Variants in SRF observed in about 807,000 individuals in gnomAD.
SRF encodes the protein serum response factor.
SRF carries 7 observed loss-of-function variants against 37.1 expected under a neutral mutation model. The observed-to-expected ratio is 0.19, with a 90% CI of 0.11 to 0.35. The LOEUF (loss-of-function observed/expected upper bound fraction) is 0.35, where lower values mean the gene tolerates loss of function less well. SRF is among the 10% of genes least tolerant of loss of function. The probability of loss-of-function intolerance (pLI) is 1.00; values close to 1 mark genes in which losing one functional copy is unlikely to be tolerated. For synonymous variants in SRF, 285 were observed against 310.1 expected (o/e 0.92, Z 0.85); for missense variants, 395 against 694.4 (o/e 0.57, Z 4.85).
rs1221850247 is a variant in SRF, at chr6:43,179,424, G to A, written c.*234G>A. The A allele has an allele frequency of 3.5e-6, 2 of 569,924 alleles. No individual in the cohort carries two copies. The highest frequency in any genetic ancestry group is 3.8e-5 in the African/African-American group (2 of 53,176). The allele number at this position is 569,924 out of a possible 1,614,324, so 35.3% of individuals were successfully genotyped here. On this transcript the variant is annotated 3_prime_UTR_variant, in exon 7 of 7. Coordinates refer to ENST00000265354, the MANE Select transcript of SRF (RefSeq NM_003131.4). This position sits in a 1 kb window ranked among gnomAD's most constrained non-coding sequence, Gnocchi z 5.3. ...CGCCCCACCTCCCATTTCTGTTGCT[G>A]GAGGGGCTGTCCTCCTTCCTGGGAC...
rs1466905850 is a variant in SRF at position 43,176,509 on chromosome 6, G to T, written c.1043-39G>T. On this transcript the variant is annotated intron_variant, in intron 3 of 6. Transcript: ENST00000265354. The surrounding 1 kb of genome is among the most constrained non-coding windows in gnomAD (Gnocchi z 4.0). ...TGGGTACTTGGTGGAGGTGGCAATT[G>T]GGTGGGACAGAGCACAAATAAGACT... 3 of 1,611,632 alleles carry T rather than the reference G, an allele frequency of 1.9e-6. No homozygotes were observed.
chr6:43,173,060 CATGTAG>C lies in SRF; in HGVS notation c.514-785_514-780del, dbSNP rs1772138660. Among the ~76,000 whole-genome samples the C allele has an allele frequency of 6.6e-6, 1 of 152,144 alleles. No individual in the cohort carries two copies. Among genetic ancestry groups the C allele is most frequent in the African/African-American group, 2.4e-5 (1 of 41,422 alleles). Reference sequence around the variant, plus strand: ...CACTGGCTGGTGTTTATTTCTGTCCCATGTAGAAACCAGAGCTGCTTCCAAGGTGGT... The same window carrying C: ...CACTGGCTGGTGTTTATTTCTGTCCCAAACCAGAGCTGCTTCCAAGGTGGT... On this transcript the variant is annotated intron_variant, in intron 1 of 6. Coordinates refer to ENST00000265354, the MANE Select transcript of SRF (RefSeq NM_003131.4). The surrounding 1 kb of genome is among the most constrained non-coding windows in gnomAD (Gnocchi z 4.2).
intron 4 of SRF, among the ~76,000 whole-genome samples, chr6:43,177,010 G>A (rs905221498): frequency 6.6e-6 from 1 of 152,134 alleles, no homozygotes; most frequent in Admixed American, 6.5e-5. Context: ...TTGTGCGAGG[G>A]TCTTACAGGT....
At chr6:43,174,455 G>A (rs1359891758) in intron 2 of SRF, among the ~76,000 whole-genome samples, 5 of 152,228 alleles carry the variant, frequency 3.3e-5, no homozygotes, top group South Asian at 4.1e-4. Flanking sequence ...TCGCCAGGGA[G>A]TAGAAAGGGA....
Position 43,173,768 on chromosome 6 carries a change from A to G in SRF, c.514-79A>G. 6 of 1,539,506 alleles carry G rather than the reference A, an allele frequency of 3.9e-6. No homozygotes were observed. The highest frequency in any genetic ancestry group is 5.3e-6 in the Non-Finnish European group (6 of 1,137,682). The stretch of plus-strand genomic sequence containing the variant: ...GGGAATGGGGGAATGACATCACTGT[A>G]TAATTCTTTTTCCAACTTCTCAAGG... On this transcript the variant is annotated intron_variant, in intron 1 of 6. Transcript: ENST00000265354. This position sits in a 1 kb window ranked among gnomAD's most constrained non-coding sequence, Gnocchi z 4.2.
In SRF at chr6:43,171,517, G is replaced by A; in HGVS notation, c.-140G>A. ...TCGGCCCGGGCGTGCAGGGGCCCCG[G>A]GTTCGCAGCGGCGGCCGCGGCAGCG... On this transcript the variant is annotated 5_prime_UTR_variant, in exon 1 of 7. Coordinates refer to ENST00000265354, the MANE Select transcript of SRF (RefSeq NM_003131.4). This position sits in a 1 kb window ranked among gnomAD's most constrained non-coding sequence, Gnocchi z 6.5. 1 of 984,596 alleles carries A rather than the reference G, an allele frequency of 1.0e-6. No homozygotes were observed. The highest frequency in any genetic ancestry group is 3.9e-4 in the Middle Eastern group (1 of 2,566). 61.0% of individuals were successfully genotyped at this position (984,596 alleles called of 1,614,324 possible). A position where few individuals can be genotyped will look rare whatever the true frequency, so the allele number is the denominator to read the frequency against.
intron 4 of SRF, among the ~76,000 whole-genome samples, chr6:43,177,043 C>T (rs1244813636): frequency 6.6e-6 from 1 of 152,182 alleles, no homozygotes; most frequent in Non-Finnish European, 1.5e-5. Flanking sequence ...CAGTTACCCT[C>T]AGGTATCTCT....
Position 43,172,284 on chromosome 6 carries a change from A to G in SRF, c.513+115A>G. On this transcript the variant is annotated intron_variant, in intron 1 of 6. Coordinates refer to ENST00000265354, the MANE Select transcript of SRF (RefSeq NM_003131.4). This position sits in a 1 kb window ranked among gnomAD's most constrained non-coding sequence, Gnocchi z 5.7. ...AGGTGAGAGGCTGCGAGTCCGCAGGAGGTGTGTGGGAGGGGATGGCTCCTG... is the reference window on the plus strand; with the variant it reads ...AGGTGAGAGGCTGCGAGTCCGCAGGGGGTGTGTGGGAGGGGATGGCTCCTG... 5 of 1,280,162 alleles carry G rather than the reference A, an allele frequency of 3.9e-6. No homozygotes were observed. The highest frequency in any genetic ancestry group is 4.3e-5 in the East Asian group (1 of 23,380). The allele number at this position is 1,280,162 out of a possible 1,614,324, so 79.3% of individuals were successfully genotyped here. A position where few individuals can be genotyped will look rare whatever the true frequency, so the allele number is the denominator to read the frequency against.
chr6:43,171,892 G>T lies in SRF; in HGVS notation c.236G>T (p.Ser79Ile). Residue 79 changes from serine (S) to isoleucine (I), a missense_variant, in exon 1 of 7, where the codon AGC (serine) becomes ATC (isoleucine). By Grantham distance (142) the Ser-to-Ile change is moderately radical (BLOSUM62 -2). Transcript: ENST00000265354. This position sits in a 1 kb window ranked among gnomAD's most constrained non-coding sequence, Gnocchi z 6.5. ...ACCGCGGGGGCCCTCTACAGCGGCA[G>T]CGAGGGCGACTCGGAGTCGGGCGAG... ...APTAGALYSG[S>I]EGDSESGEEE... is the part of the protein sequence containing the mutation. 1 of 1,408,698 alleles carries T rather than the reference G, an allele frequency of 7.1e-7. No homozygotes were observed. The allele number at this position is 1,408,698 out of a possible 1,614,324, so 87.3% of individuals were successfully genotyped here. A position where few individuals can be genotyped will look rare whatever the true frequency, so the allele number is the denominator to read the frequency against.
rs767783421 is a variant in SRF, at chr6:43,175,743, C to T, written c.818C>T (p.Pro273Leu). 5.6e-6 allele frequency: 9 copies of T among 1,614,172 alleles called. No individual in the cohort carries two copies. Among genetic ancestry groups the T allele is most frequent in the East Asian group, 2.2e-5 (1 of 44,884 alleles). ...LKPAFTVTNL[P>L]GTTSTIQTAP... Reference sequence around the variant, plus strand: ...CCGGCGTTCACAGTCACCAACCTGCCGGGTACAACCTCCACCATCCAAACA... The same window carrying T: ...CCGGCGTTCACAGTCACCAACCTGCTGGGTACAACCTCCACCATCCAAACA... Residue 273 changes from proline to leucine, a missense_variant, in exon 3 of 7, where the codon CCG becomes CTG. This residue lies in a region of SRF where 232 missense variants were observed against 335.6 expected (regional missense o/e 0.69). Coordinates refer to ENST00000265354, the MANE Select transcript of SRF (RefSeq NM_003131.4).
intron 2 of SRF, 37 bp from the exon 3 acceptor site, chr6:43,175,669 G>A (rs1182119006): frequency 1.2e-6 from 2 of 1,610,720 alleles, no homozygotes; most frequent in East Asian, 4.5e-5. Flanking sequence ...GCAGGATCTG[G>A]TAGGGGCTCA....
rs903217020 is a variant in SRF at position 43,179,723 on chromosome 6, C to G, written c.*533C>G. 1.6e-4 allele frequency: 27 copies of G among 164,282 alleles called. No individual in the cohort carries two copies. The highest frequency in any genetic ancestry group is 2.7e-4 in the Non-Finnish European group (20 of 74,046). The allele number at this position is 164,282 out of a possible 1,614,324, so 10.2% of individuals were successfully genotyped here. ...ACACTGCTGTCCTCTCCCCCTTCAG[C>G]TCCTGAGTAGCTGGGCCTGTGCACT... On this transcript the variant is annotated 3_prime_UTR_variant, in exon 7 of 7. Transcript: ENST00000265354. The surrounding 1 kb of genome is among the most constrained non-coding windows in gnomAD (Gnocchi z 5.3).
At chr6:43,177,228 G>GTTTTTTTTTTGT (rs1772215070) in intron 4 of SRF, among the ~76,000 whole-genome samples, 1 of 116,848 alleles carries the variant, frequency 8.6e-6, no homozygotes, top group South Asian at 2.7e-4. Flanking sequence ...ATCGGAGTCT[G>GTTTTTTTTTTGT]TTTTTTTTTT....
chr6:43,172,803 G>A lies in SRF; in HGVS notation c.513+634G>A, dbSNP rs747284218. 6.6e-6 allele frequency among the ~76,000 whole-genome samples: 1 copy of A among 152,142 alleles called. No individual in the cohort carries two copies. The highest frequency in any genetic ancestry group is 1.5e-5 in the Non-Finnish European group (1 of 67,998). On this transcript the variant is annotated intron_variant, in intron 1 of 6. Coordinates refer to ENST00000265354, the MANE Select transcript of SRF (RefSeq NM_003131.4). The surrounding 1 kb of genome is among the most constrained non-coding windows in gnomAD (Gnocchi z 5.7). ...ACTGGGAACCACATGCTCCTGGCAG[G>A]ACCCGCTGCAGAATCTCCTGCCGTT...
intron 2 of SRF, 22 bp from the exon 3 acceptor site, chr6:43,175,684 T>G: frequency 6.2e-7 from 1 of 1,612,406 alleles, no homozygotes; most frequent in African/African-American, 1.3e-5. Context: ...GGCTCATTGC[T>G]TCATCTTTAC....
At position 43,173,712 on chromosome 6, in the gene SRF, C is replaced by T. The variant is rs1772147903; in HGVS notation, c.514-135C>T. 7.5e-6 allele frequency: 9 copies of T among 1,204,732 alleles called. No individual in the cohort carries two copies. The South Asian group carries it at 1.2e-4, about 17-fold the overall frequency. 74.6% of individuals were successfully genotyped at this position (1,204,732 alleles called of 1,614,324 possible). ...CAGAGATCCTGATAGGACACCCTGC[C>T]CTCAGAGTCATTAGAGACGAAGGTC... On this transcript the variant is annotated intron_variant, in intron 1 of 6. Coordinates refer to ENST00000265354, the MANE Select transcript of SRF (RefSeq NM_003131.4). The surrounding 1 kb of genome is among the most constrained non-coding windows in gnomAD (Gnocchi z 4.2).
At position 43,181,135 on chromosome 6, in the gene SRF, T is replaced by G. The variant is rs189540775; in HGVS notation, c.*1945T>G. The G allele has an allele frequency of 6.5e-6, 1 of 152,836 alleles. No homozygotes were observed. The highest frequency in any genetic ancestry group is 2.4e-5 in the African/African-American group (1 of 41,574). 9.5% of individuals were successfully genotyped at this position (152,836 alleles called of 1,614,324 possible). On this transcript the variant is annotated 3_prime_UTR_variant, in exon 7 of 7. Coordinates refer to ENST00000265354, the MANE Select transcript of SRF (RefSeq NM_003131.4). ...TCCCCCACCCATGGGGAGGAGACCT[T>G]TGATGAATTCTTCCTCTCCTTCCCA...
intron 4 of SRF, among the ~76,000 whole-genome samples, chr6:43,177,177 T>C (rs1485001072): frequency 2.0e-5 from 3 of 151,822 alleles, no homozygotes; most frequent in African/African-American, 7.3e-5. Context: ...TGGGAGCTTG[T>C]TGGAAATACA....
In SRF at chr6:43,181,090, A is replaced by C. The variant is rs1347759511; in HGVS notation, c.*1900A>C. 2 of 152,400 alleles carry C rather than the reference A, an allele frequency of 1.3e-5. No individual in the cohort carries two copies. The highest frequency in any genetic ancestry group is 3.9e-4 in the East Asian group (2 of 5,182). 9.4% of individuals were successfully genotyped at this position (152,400 alleles called of 1,614,324 possible). On this transcript the variant is annotated 3_prime_UTR_variant, in exon 7 of 7. Transcript: ENST00000265354. ...TTCTCTGCTCTTGTTTCACTCCACCATCACTCACTCACTCCCCACTCCCCC... is the reference window on the plus strand; with the variant it reads ...TTCTCTGCTCTTGTTTCACTCCACCCTCACTCACTCACTCCCCACTCCCCC...
Sources: gnomAD v4.1 joint callset for allele counts (sites outside exome capture counted in the v4.1 genomes callset) on GRCh38, gnomAD v4.1.1 for gene constraint, gnomAD v4.1.1 regional missense constraint, Gnocchi (gnomAD v3.1) non-coding constraint, MANE v1.5 for transcripts, NCBI Gene and HGNC (gene_info 2026-07-23, HGNC 2026-07-21) for gene names.